Variants in MCC observed in about 807,000 individuals in gnomAD.
MCC encodes the protein MCC regulator of Wnt signaling pathway.
A neutral mutation model predicts 116.2 loss-of-function variants in MCC; 90 were observed. The ratio of observed to expected loss-of-function variants is 0.77; its 90% CI spans 0.65 to 0.92. The LOEUF (loss-of-function observed/expected upper bound fraction) is 0.92, where lower values mean the gene tolerates loss of function less well. Among genes scored for constraint, MCC ranks in the 40% least tolerant of loss-of-function variants. The pLI, the probability that MCC is intolerant of heterozygous loss-of-function variation, is 0.00. For synonymous variants in MCC, 578 were observed against 510.5 expected, an observed-to-expected ratio of 1.13 and a Z score of -1.78; for missense variants, 1,516 against 1,312.2, an observed-to-expected ratio of 1.16 and a Z score of -2.40.
intron 17 of MCC, among the ~76,000 whole-genome samples, chr5:113,034,223 TGTG>T (rs1284040639): frequency 1.3e-5 from 2 of 152,088 alleles, no homozygotes; most frequent in Non-Finnish European, 1.5e-5. Context: ...TGAAACGTAA[TGTG>T]GTACGTTTCA....
rs534555825 is a variant in MCC, at chr5:113,250,543, A to C, written c.627+89976T>G. ...CACAGAGACATGTGCCTTTATAAAT[A>C]ATTGTTTTTAAAAAGTTACTCAGGT... On this transcript the variant is annotated intron_variant, in intron 3 of 18. Coordinates refer to ENST00000408903, the MANE Select transcript of MCC (RefSeq NM_001085377.2). Among the ~76,000 whole-genome samples the C allele has an allele frequency of 2.6e-5, 4 of 152,198 alleles. No homozygotes were observed. The South Asian group carries it at 8.3e-4, about 32-fold the overall frequency.
At chr5:113,161,986 T>C (rs1023956133) in intron 3 of MCC, among the ~76,000 whole-genome samples, 3 of 152,304 alleles carry the variant, frequency 2.0e-5, no homozygotes, top group African/African-American at 4.8e-5. Flanking sequence ...GGATGGGCCA[T>C]TTACCGTTTG....
intron 3 of MCC, among the ~76,000 whole-genome samples, chr5:113,154,282 C>T (rs983981007): frequency 6.6e-6 from 1 of 152,226 alleles, no homozygotes; most frequent in African/African-American, 2.4e-5. Context: ...ACTCTTCTGA[C>T]AGAAGGAAAA....
At chr5:113,231,120 G>C (rs1763926068) in intron 3 of MCC, among the ~76,000 whole-genome samples, 1 of 152,130 alleles carries the variant, frequency 6.6e-6, no homozygotes, top group African/African-American at 2.4e-5. Context: ...AATCTCAAGA[G>C]CTTGACCTTA....
At chr5:113,071,707 C>T (rs1018834481) in intron 11 of MCC, among the ~76,000 whole-genome samples, 1 of 152,140 alleles carries the variant, frequency 6.6e-6, no homozygotes, top group South Asian at 2.1e-4. Flanking sequence ...GTTGTTACTC[C>T]CATTTCAGAT....
intron 3 of MCC, among the ~76,000 whole-genome samples, chr5:113,225,935 G>T (rs556961223): frequency 6.6e-6 from 1 of 152,356 alleles, no homozygotes; most frequent in South Asian, 2.1e-4. Flanking sequence ...CACTTTGGAA[G>T]GCCAAGGCAG....
chr5:113,484,451 T>G (rs148555007), intron 1 of MCC, among the ~76,000 whole-genome samples: 22 of 152,310 alleles, frequency 1.4e-4, no homozygotes, highest in African/African-American at 5.1e-4. Context: ...TGCTAAGTAC[T>G]GAGTACACTG....
At chr5:113,371,016 G>A (rs1213242348) in intron 2 of MCC, among the ~76,000 whole-genome samples, 2 of 152,062 alleles carry the variant, frequency 1.3e-5, no homozygotes, top group East Asian at 3.9e-4. Context: ...TCAGGAGTTC[G>A]AGACCAGCCT....
intron 3 of MCC, among the ~76,000 whole-genome samples, chr5:113,296,610 T>C (rs935758347): frequency 5.3e-5 from 8 of 152,130 alleles, no homozygotes; most frequent in Non-Finnish European, 1.2e-4. Flanking sequence ...AGGCATTCCA[T>C]TCTGGAGCAT....
chr5:113,213,092 G>A (rs553355943), intron 3 of MCC, among the ~76,000 whole-genome samples: 2 of 152,250 alleles, frequency 1.3e-5, no homozygotes, highest in South Asian at 4.2e-4. Flanking sequence ...TTTTCTACAG[G>A]ATTTTGATAA....
At position 113,023,675 on chromosome 5, in the gene MCC, C is replaced by A. The variant is rs1031805979; in HGVS notation, c.*3627G>T. ...TTAATAGAATGATTGGGACATACTC[C>A]CAATTAAGAATTTGCAAATTGTTTA... On this transcript the variant is annotated 3_prime_UTR_variant, in exon 19 of 19. Coordinates refer to ENST00000408903, the MANE Select transcript of MCC (RefSeq NM_001085377.2). The A allele has an allele frequency of 4.6e-5, 7 of 152,128 alleles. No homozygotes were observed. Among genetic ancestry groups the A allele is most frequent in the African/African-American group, 1.7e-4 (7 of 41,430 alleles). 9.4% of individuals were successfully genotyped at this position (152,128 alleles called of 1,614,324 possible). A position where few individuals can be genotyped will look rare whatever the true frequency, so the allele number is the denominator to read the frequency against.
Position 113,022,395 on chromosome 5 carries a change from TAAC to T in MCC, c.*4904_*4906del, listed in dbSNP as rs1330735265. On this transcript the variant is annotated 3_prime_UTR_variant, in exon 19 of 19. Coordinates refer to ENST00000408903, the MANE Select transcript of MCC (RefSeq NM_001085377.2). Reference sequence around the variant, plus strand: ...GCAAACTTAGTCACATGTGCTTTAATAACTGACAATACATTCAAGCAGGTTTTT... The same window carrying T: ...GCAAACTTAGTCACATGTGCTTTAATTGACAATACATTCAAGCAGGTTTTT... The T allele has an allele frequency of 6.6e-6, 1 of 152,652 alleles. No homozygotes were observed. Among genetic ancestry groups the T allele is most frequent in the African/African-American group, 2.4e-5 (1 of 41,454 alleles). 9.5% of individuals were successfully genotyped at this position (152,652 alleles called of 1,614,324 possible). A position where few individuals can be genotyped will look rare whatever the true frequency, so the allele number is the denominator to read the frequency against.
intron 3 of MCC, among the ~76,000 whole-genome samples, chr5:113,221,792 C>A (rs1187387083): frequency 6.6e-6 from 1 of 152,056 alleles, no homozygotes; most frequent in Non-Finnish European, 1.5e-5. Flanking sequence ...CGATTCACTG[C>A]CCCCCGCCCC....
At chr5:113,277,987 G>T (rs991337228) in intron 3 of MCC, among the ~76,000 whole-genome samples, 12 of 152,136 alleles carry the variant, frequency 7.9e-5, no homozygotes, top group Admixed American at 7.9e-4. Context: ...TCACGAACTG[G>T]ATTTTACTAG....
chr5:113,342,811 G>T (rs1447572749), intron 2 of MCC, among the ~76,000 whole-genome samples: 1 of 152,184 alleles, frequency 6.6e-6, no homozygotes, highest in African/African-American at 2.4e-5. Flanking sequence ...CTTTAGAGAG[G>T]TAGTATTGAT....
intron 17 of MCC, among the ~76,000 whole-genome samples, chr5:113,036,348 G>A (rs1751332181): frequency 6.6e-6 from 1 of 152,080 alleles, no homozygotes; most frequent in African/African-American, 2.4e-5. Flanking sequence ...TATAGATGAG[G>A]AACTTAAGAT....
At chr5:113,079,597 C>A (rs1400638432) in intron 11 of MCC, among the ~76,000 whole-genome samples, 4 of 152,216 alleles carry the variant, frequency 2.6e-5, no homozygotes, top group Admixed American at 2.6e-4. Context: ...GGAAAACTGG[C>A]TAGCCATATG....
At chr5:113,272,795 T>C (rs1765664787) in intron 3 of MCC, among the ~76,000 whole-genome samples, 1 of 152,242 alleles carries the variant, frequency 6.6e-6, no homozygotes, top group South Asian at 2.1e-4. Flanking sequence ...AAACGAATTA[T>C]GGGACATTAC....
intron 16 of MCC, among the ~76,000 whole-genome samples, chr5:113,046,724 G>C (rs1462722617): frequency 1.0e-5 from 1 of 96,130 alleles, no homozygotes; most frequent in African/African-American, 3.7e-5. Flanking sequence ...GAGAGATTTT[G>C]AAGGTGTTTG....
Sources: gnomAD v4.1 joint callset for allele counts (sites outside exome capture counted in the v4.1 genomes callset) on GRCh38, gnomAD v4.1.1 for gene constraint, MANE v1.5 for transcripts, NCBI Gene and HGNC (gene_info 2026-07-23, HGNC 2026-07-21) for gene names.